Variants in LNX1 observed in about 807,000 individuals in gnomAD.
The protein encoded by LNX1 is E3 ubiquitin-protein ligase LNX.
Under a neutral mutation model 68.4 loss-of-function variants are expected in LNX1, and 54 were observed. The observed-to-expected ratio is 0.79, with a 90% confidence interval of 0.63 to 0.99. LNX1 has a LOEUF of 0.99. Ranked by LOEUF, LNX1 falls within the 50% of genes least tolerant of loss-of-function variation. LNX1 has a pLI of 0.00. For missense variants in LNX1, 906 were observed against 926.4 expected (o/e 0.98, Z 0.29); for synonymous variants, 336 against 350.0 (o/e 0.96, Z 0.45).
At chr4:53,468,118 G>C (rs1453081428) in intron 9 of LNX1, among the ~76,000 whole-genome samples, 3 of 152,178 alleles carry the variant, frequency 2.0e-5, no homozygotes, top group Non-Finnish European at 4.4e-5. Context: ...ACAAAGGGAA[G>C]CCCATCAGAC....
chr4:53,603,878 A>G (rs944976239), intron 2 of LNX1: 1 of 152,208 alleles, frequency 6.6e-6, no homozygotes, highest in Non-Finnish European at 1.5e-5. Flanking sequence ...GACTCCTGAC[A>G]TCTGTTCTGA....
At chr4:53,532,461 A>C (rs1376828227) in intron 2 of LNX1, among the ~76,000 whole-genome samples, 1 of 152,006 alleles carries the variant, frequency 6.6e-6, no homozygotes, top group Non-Finnish European at 1.5e-5. Context: ...ATAAATAAAT[A>C]TATGAATAAA....
chr4:53,505,810 T>C (rs1725831332), intron 4 of LNX1, among the ~76,000 whole-genome samples: 1 of 151,362 alleles, frequency 6.6e-6, no homozygotes, highest in Non-Finnish European at 1.5e-5. Flanking sequence ...GCTGAGGGAG[T>C]GAGGTTTCCA....
At chr4:53,568,497 C>G (rs2109762764) in intron 2 of LNX1, among the ~76,000 whole-genome samples, 1 of 151,900 alleles carries the variant, frequency 6.6e-6, no homozygotes, top group African/African-American at 2.4e-5. Context: ...GGACATATTT[C>G]AAAATAATAA....
At chr4:53,598,594 C>T (rs765890631) in intron 2 of LNX1, among the ~76,000 whole-genome samples, 1 of 152,100 alleles carries the variant, frequency 6.6e-6, no homozygotes, top group Non-Finnish European at 1.5e-5. Flanking sequence ...TGTGACTTTC[C>T]ACGTACTCTC....
At chr4:53,501,959 C>T (rs1398233283) in intron 4 of LNX1, 2 of 152,230 alleles carry the variant, frequency 1.3e-5, no homozygotes, top group Non-Finnish European at 2.9e-5. Context: ...TGCAACAACT[C>T]TATACAAGAG....
intron 6 of LNX1, among the ~76,000 whole-genome samples, chr4:53,489,090 A>G (rs1180820431): frequency 2.0e-5 from 3 of 152,230 alleles, no homozygotes; most frequent in Non-Finnish European, 4.4e-5. Context: ...TTTGCCATTG[A>G]AACTTTGGAC....
At chr4:53,580,746 T>C (rs935271212) in intron 1 of LNX1, among the ~76,000 whole-genome samples, 2 of 152,222 alleles carry the variant, frequency 1.3e-5, no homozygotes, top group Non-Finnish European at 2.9e-5. Flanking sequence ...AGTGGCTAAA[T>C]AGTTCAGTAC....
intron 2 of LNX1, among the ~76,000 whole-genome samples, chr4:53,552,137 G>T (rs956526092): frequency 5.9e-5 from 9 of 152,124 alleles, no homozygotes; most frequent in Non-Finnish European, 5.9e-5. Flanking sequence ...TCATTTCCTG[G>T]CTTCCTGGGA....
Position 53,478,530 on chromosome 4 carries a change from C to T in LNX1, c.1663+35G>A, listed in dbSNP as rs764341600. 3.2e-6 allele frequency: 5 copies of T among 1,549,340 alleles called. No individual in the cohort carries two copies. In the African/African-American group the frequency reaches 5.5e-5, roughly 17 times the overall value. The stretch of plus-strand genomic sequence containing the variant: ...CTACTAATTTCTCTTGATTCTCTGC[C>T]ACCCCAGTGCCTTTAAAATCCCTTT... On this transcript the variant is annotated intron_variant, in intron 8 of 10. Transcript: ENST00000263925.
intron 7 of LNX1, among the ~76,000 whole-genome samples, chr4:53,480,602 A>G (rs771823633): frequency 6.6e-6 from 1 of 152,222 alleles, no homozygotes; most frequent in East Asian, 1.9e-4. Context: ...ATGTTTTAGC[A>G]GGATATATCT....
chr4:53,513,128 G>A (rs564667032), intron 2 of LNX1, among the ~76,000 whole-genome samples: 46 of 151,504 alleles, frequency 3.0e-4, no homozygotes, highest in African/African-American at 1.1e-3. Context: ...CTCAAAAACC[G>A]CCCAGGGAAA....
At chr4:53,510,105 A>G (rs1161573272) in intron 2 of LNX1, among the ~76,000 whole-genome samples, 2 of 152,222 alleles carry the variant, frequency 1.3e-5, no homozygotes, top group African/African-American at 4.8e-5. Context: ...ACCCAAGGGA[A>G]TTAAAAGTGG....
At chr4:53,576,267 G>T in intron 1 of LNX1, 1 of 1,611,640 alleles carries the variant, frequency 6.2e-7, no homozygotes, top group Non-Finnish European at 8.5e-7. Context: ...TTTCAGATGG[G>T]TTAGCATACC....
At chr4:53,507,854 T>C in intron 3 of LNX1, 132 bp downstream of exon 3, 1 of 1,209,782 alleles carries the variant, frequency 8.3e-7, no homozygotes, top group Non-Finnish European at 1.1e-6. Flanking sequence ...AATTGGACAT[T>C]GGGTTCCTGC....
intron 2 of LNX1, among the ~76,000 whole-genome samples, chr4:53,519,656 A>ATCTGACACAC (rs151307827): frequency 0.96 from 145,231 of 151,534 alleles, 69,915 homozygotes; most frequent in Middle Eastern, 1. Context: ...CTGTCAAGGT[A>ATCTGACACAC]TCTGACACAC....
At chr4:53,564,658 G>C (rs1577720634) in intron 2 of LNX1, among the ~76,000 whole-genome samples, 2 of 152,220 alleles carry the variant, frequency 1.3e-5, no homozygotes, top group Non-Finnish European at 2.9e-5. Flanking sequence ...GGCCGAATAG[G>C]AACAGCTCTG....
At chr4:53,504,841 C>T (rs1351144823) in intron 4 of LNX1, among the ~76,000 whole-genome samples, 2 of 152,162 alleles carry the variant, frequency 1.3e-5, no homozygotes, top group African/African-American at 2.4e-5. Flanking sequence ...TCAGAACACA[C>T]AATTATTAAA....
At chr4:53,522,940 T>A (rs1044488563) in intron 2 of LNX1, 1 of 152,248 alleles carries the variant, frequency 6.6e-6, no homozygotes, top group African/African-American at 2.4e-5. Flanking sequence ...GTTTATGATT[T>A]TTGTATTGAT....
Sources: allele counts gnomAD v4.1 joint callset (sites outside exome capture counted in the v4.1 genomes callset), GRCh38; gene constraint gnomAD v4.1.1; transcripts MANE v1.5; gene names NCBI Gene and HGNC (gene_info 2026-07-23, HGNC 2026-07-21).